Variants in STAU2 observed in about 807,000 individuals in gnomAD.
The protein encoded by STAU2 is double-stranded RNA-binding protein Staufen homolog 2.
In STAU2, 20 loss-of-function variants were observed where a neutral mutation model predicts 65.9. The ratio of observed to expected loss-of-function variants is 0.30; its 90% CI spans 0.21 to 0.44. The LOEUF is 0.44. STAU2 is among the 20% of genes least tolerant of loss of function. STAU2 has a pLI of 1.00. For missense variants in STAU2, 558 were observed against 683.9 expected (o/e 0.82, Z 2.05); for synonymous variants, 232 against 233.9 (o/e 0.99, Z 0.07).
chr8:73,741,030 G>C (rs1293761481), intron 1 of STAU2, among the ~76,000 whole-genome samples: 1 of 144,856 alleles, frequency 6.9e-6, no homozygotes, highest in Admixed American at 7.1e-5. Context: ...AAAAGGCCAG[G>C]CGCAGTGGCT....
intron 10 of STAU2, among the ~76,000 whole-genome samples, chr8:73,597,891 A>G (rs558614685): frequency 1.3e-5 from 2 of 152,310 alleles, no homozygotes; most frequent in South Asian, 4.1e-4. Flanking sequence ...GTTCTACTCA[A>G]TATTTAAGGA....
intron 6 of STAU2, among the ~76,000 whole-genome samples, chr8:73,632,327 A>G (rs73686868): frequency 0.083 from 12,566 of 152,072 alleles, 584 homozygotes; most frequent in Middle Eastern, 0.14. Context: ...ACTCTTACAA[A>G]GACAGGATGT....
upstream of STAU2, chr8:73,747,050 C>G (rs1435306433): frequency 2.3e-5 from 5 of 220,702 alleles, no homozygotes; most frequent in African/African-American, 4.6e-5. Context: ...CCCGCCGGCC[C>G]GCGACCAAGC....
intron 13 of STAU2, among the ~76,000 whole-genome samples, chr8:73,490,755 C>T (rs1202405776): frequency 6.6e-6 from 1 of 151,934 alleles, no homozygotes; most frequent in Non-Finnish European, 1.5e-5. Context: ...AAATTATTTT[C>T]CTGGGAGCTC....
At chr8:73,430,673 A>G (rs1817202387) in intron 13 of STAU2, among the ~76,000 whole-genome samples, 1 of 152,212 alleles carries the variant, frequency 6.6e-6, no homozygotes. Context: ...TTGTGAACAA[A>G]CACTGAAATT....
intron 3 of STAU2, among the ~76,000 whole-genome samples, chr8:73,727,233 AAAAT>A (rs1176869868): frequency 2.6e-5 from 4 of 152,224 alleles, no homozygotes; most frequent in Non-Finnish European, 4.4e-5. Context: ...ACATCTCAAA[AAAAT>A]AAATAAATAA....
At chr8:73,616,564 C>T (rs1350822981) in intron 7 of STAU2, among the ~76,000 whole-genome samples, 2 of 151,728 alleles carry the variant, frequency 1.3e-5, no homozygotes, top group Non-Finnish European at 2.9e-5. Context: ...TTTAGGAGGC[C>T]GAGGCAGGCA....
chr8:73,599,550 T>C (rs1811471164), intron 10 of STAU2, among the ~76,000 whole-genome samples: 1 of 152,216 alleles, frequency 6.6e-6, no homozygotes, highest in African/African-American at 2.4e-5. Flanking sequence ...GCCACTTTAA[T>C]ACATTTCACA....
At chr8:73,539,233 C>T (rs1806366852) in intron 13 of STAU2, among the ~76,000 whole-genome samples, 1 of 152,050 alleles carries the variant, frequency 6.6e-6, no homozygotes, top group African/African-American at 2.4e-5. Context: ...ACATTACTTG[C>T]CATAGAATAA....
chr8:73,549,586 AAAAGTT>A, intron 13 of STAU2: 4 of 739,328 alleles, frequency 5.4e-6, no homozygotes, highest in Non-Finnish European at 6.6e-6. Context: ...AAACAAAATT[AAAAGTT>A]AAAACAACTT....
At position 73,421,336 on chromosome 8, in the gene STAU2, T is replaced by A; in HGVS notation, c.*36A>T. The A allele has an allele frequency of 6.6e-7, 1 of 1,524,762 alleles. No homozygotes were observed. The highest frequency in any genetic ancestry group is 1.4e-5 in the African/African-American group (1 of 72,922). The allele number at this position is 1,524,762 out of a possible 1,614,324, so 94.5% of individuals were successfully genotyped here. ...ACCCTCATGCGTGCTGACAGGTTTATAAGGATGCGGTGGCAGCCGCGGGTT... is the reference window on the plus strand; with the variant it reads ...ACCCTCATGCGTGCTGACAGGTTTAAAAGGATGCGGTGGCAGCCGCGGGTT... On this transcript the variant is annotated 3_prime_UTR_variant, in exon 15 of 15. Coordinates refer to ENST00000524300, the MANE Select transcript of STAU2 (RefSeq NM_001164380.2).
At chr8:73,530,993 T>C (rs143474397) in intron 13 of STAU2, among the ~76,000 whole-genome samples, 85 of 151,902 alleles carry the variant, frequency 5.6e-4, no homozygotes, top group Middle Eastern at 6.8e-3. Flanking sequence ...CCACCAGGAG[T>C]GGATGAAACC....
At chr8:73,526,624 G>A (rs564567817) in intron 13 of STAU2, among the ~76,000 whole-genome samples, 1 of 152,238 alleles carries the variant, frequency 6.6e-6, no homozygotes, top group Admixed American at 6.5e-5. Flanking sequence ...GTACATGAAT[G>A]GCTAATTTAG....
rs554386188 is a variant in STAU2, at chr8:73,509,706, TTTTC to T, written c.1530+42302_1530+42305del. ...ATACTGAAAAGAAAGGAGCCACATA[TTTTC>T]CTTATGTGAAAAAAAATAGGGTTTA... is the stretch of plus-strand genomic sequence containing the variant. On this transcript the variant is annotated intron_variant, in intron 13 of 14. Transcript: ENST00000524300. Among the ~76,000 whole-genome samples, 921 of 152,220 alleles carry T rather than the reference TTTTC, an allele frequency of 6.1e-3. 6 individuals are homozygous for T. The highest frequency in any genetic ancestry group is 9.9e-3 in the Non-Finnish European group (671 of 68,024).
At chr8:73,573,731 C>A (rs1235393705) in intron 12 of STAU2, among the ~76,000 whole-genome samples, 1 of 152,146 alleles carries the variant, frequency 6.6e-6, no homozygotes, top group African/African-American at 2.4e-5. Flanking sequence ...CCCTTCCTTA[C>A]ACCTTATACA....
chr8:73,494,586 A>G (rs1434249451), intron 13 of STAU2, among the ~76,000 whole-genome samples: 1 of 151,784 alleles, frequency 6.6e-6, no homozygotes, highest in Admixed American at 6.6e-5. Flanking sequence ...AAGTTCATCT[A>G]TGGCAAATGT....
chr8:73,692,511 A>C (rs1255909922), intron 4 of STAU2, among the ~76,000 whole-genome samples: 1 of 152,188 alleles, frequency 6.6e-6, no homozygotes. Flanking sequence ...TGTACTCTTT[A>C]TCTGGCTGTT....
intron 6 of STAU2, among the ~76,000 whole-genome samples, chr8:73,638,542 T>G (rs1216306828): frequency 6.6e-6 from 1 of 150,878 alleles, no homozygotes; most frequent in Non-Finnish European, 1.5e-5. Context: ...CAGAGTAACT[T>G]CAAATATAAT....
chr8:73,619,311 T>C (rs1378690934), intron 6 of STAU2, among the ~76,000 whole-genome samples: 2 of 152,116 alleles, frequency 1.3e-5, no homozygotes, highest in Non-Finnish European at 2.9e-5. Flanking sequence ...GACCACTGAA[T>C]TGAGCAACTT....
Sources: allele counts gnomAD v4.1 joint callset (sites outside exome capture counted in the v4.1 genomes callset), GRCh38; gene constraint gnomAD v4.1.1; transcripts MANE v1.5; gene names NCBI Gene and HGNC (gene_info 2026-07-23, HGNC 2026-07-21).